PDCL3: variants seen among roughly 807,000 people sequenced by gnomAD.
PDCL3 encodes the protein phosducin-like protein 3.
A neutral mutation model predicts 26.5 loss-of-function variants in PDCL3; 22 were observed. The observed-to-expected ratio is 0.83, with a 90% CI of 0.59 to 1.19. The LOEUF (loss-of-function observed/expected upper bound fraction) is 1.19, where lower values mean the gene tolerates loss of function less well. Among genes scored for constraint, PDCL3 ranks in the 50% most tolerant of loss-of-function variants. The pLI, the probability that PDCL3 is intolerant of heterozygous loss-of-function variation, is 0.00. For synonymous variants in PDCL3, 81 were observed against 104.9 expected (o/e 0.77, Z 1.39); for missense variants, 246 against 294.1 (o/e 0.84, Z 1.20).
intron 2 of PDCL3, among the ~76,000 whole-genome samples, chr2:100,567,478 C>G (rs988690909): frequency 6.6e-6 from 1 of 152,088 alleles, no homozygotes; most frequent in Non-Finnish European, 1.5e-5. Flanking sequence ...GAAGCAGGCT[C>G]AGAGAGGGCC....
intron 5 of PDCL3, among the ~76,000 whole-genome samples, chr2:100,572,274 T>C (rs28560372): frequency 0.5 from 75,269 of 151,804 alleles, 20,090 homozygotes; most frequent in East Asian, 0.97. Context: ...TGCAATGGTA[T>C]GATCTTGCCT....
intron 1 of PDCL3, 136 bp from the exon 2 acceptor site, chr2:100,566,367 C>A: frequency 1.7e-6 from 2 of 1,168,294 alleles, no homozygotes; most frequent in Non-Finnish European, 2.4e-6. Context: ...GATCTTTTGA[C>A]ACTTTCTCAG....
chr2:100,563,250 G>A (rs1351346284), intron 1 of PDCL3, 177 bp downstream of exon 1: 2 of 678,012 alleles, frequency 2.9e-6, no homozygotes, highest in South Asian at 5.4e-5. Flanking sequence ...GGTCCCACCA[G>A]GACCCACGGC....
intron 4 of PDCL3, among the ~76,000 whole-genome samples, chr2:100,571,115 A>C (rs113255053): frequency 4.2e-5 from 1 of 24,094 alleles, no homozygotes; most frequent in Non-Finnish European, 6.2e-5. Flanking sequence ...CTGTCTTTAC[A>C]AAAAAAAAAA....
Position 100,576,436 on chromosome 2 carries a change from G to T in PDCL3, c.660G>T (p.Leu220Phe). The T allele has an allele frequency of 6.2e-7, 1 of 1,613,948 alleles. No individual in the cohort carries two copies. The highest frequency in any genetic ancestry group is 8.5e-7 in the Non-Finnish European group (1 of 1,179,860). The change falls in exon 6 of 6, where the codon TTG becomes TTT. Residue 220 changes from leucine to phenylalanine, a missense_variant. Physicochemically the swap from Leu to Phe is conservative, Grantham distance 22. Transcript: ENST00000264254. The stretch of plus-strand genomic sequence containing the variant: ...CTAAGAAGCCGATTGAAGACGTGTT[G>T]CTGTCCTCAGTGCGGCGCTCTGTCC... ...ENPKKPIEDVLLSSVRRSVLM... is the reference protein window; with the variant it reads ...ENPKKPIEDVFLSSVRRSVLM...
intron 5 of PDCL3, among the ~76,000 whole-genome samples, chr2:100,575,375 TC>T (rs931376719): frequency 6.6e-6 from 1 of 152,188 alleles, no homozygotes; most frequent in African/African-American, 2.4e-5. Context: ...GACTTCGTGA[TC>T]CGCCCACCTT....
intron 1 of PDCL3, 57 bp from the exon 2 acceptor site, chr2:100,566,446 G>A (rs963091584): frequency 8.2e-6 from 13 of 1,576,534 alleles, no homozygotes; most frequent in South Asian, 1.2e-5. Flanking sequence ...CTTGCCCAAC[G>A]TGGCACCCTA....
At chr2:100,575,050 T>G (rs1199307551) in intron 5 of PDCL3, among the ~76,000 whole-genome samples, 1 of 152,186 alleles carries the variant, frequency 6.6e-6, no homozygotes, top group Non-Finnish European at 1.5e-5. Context: ...GAGCTATGAT[T>G]GCACCCATAG....
chr2:100,575,247 A>T lies in PDCL3; in HGVS notation c.578-1107A>T, dbSNP rs535220427. 4.7e-4 allele frequency among the ~76,000 whole-genome samples: 72 copies of T among 152,138 alleles called. 1 individual carries two copies. The South Asian group carries it at 6.6e-3, about 14-fold the overall frequency. The stretch of plus-strand genomic sequence containing the variant: ...GCCTCCCACGTTCACACCATTCTCC[A>T]GCCTCAGCCTCCCGAGTAGCTGGGA... On this transcript the variant is annotated intron_variant, in intron 5 of 5. Coordinates refer to ENST00000264254, the MANE Select transcript of PDCL3 (RefSeq NM_024065.5).
intron 1 of PDCL3, among the ~76,000 whole-genome samples, chr2:100,564,320 A>C (rs546403040): frequency 1.3e-5 from 2 of 148,256 alleles, no homozygotes; most frequent in South Asian, 4.3e-4. Flanking sequence ...TTTTTGAGAC[A>C]GAGTCTTGCT....
At chr2:100,565,967 G>A (rs757146453) in intron 1 of PDCL3, among the ~76,000 whole-genome samples, 6 of 152,166 alleles carry the variant, frequency 3.9e-5, no homozygotes, top group Non-Finnish European at 8.8e-5. Context: ...GCAGTGGCAC[G>A]ATCTCGGCTC....
intron 1 of PDCL3, 62 bp downstream of exon 1, chr2:100,563,135 G>A: frequency 6.4e-7 from 1 of 1,553,640 alleles, no homozygotes; most frequent in Non-Finnish European, 8.7e-7. Context: ...CGTTAGGCCC[G>A]GGCGGGCAGT....
At chr2:100,566,710 G>A in intron 2 of PDCL3, 81 bp downstream of exon 2, 1 of 1,574,260 alleles carries the variant, frequency 6.4e-7, no homozygotes, top group Non-Finnish European at 8.6e-7. Context: ...CCAGGAGACA[G>A]GTTGGAGTGC....
intron 5 of PDCL3, among the ~76,000 whole-genome samples, chr2:100,572,275 G>C (rs1442776974): frequency 6.6e-6 from 1 of 152,068 alleles, no homozygotes; most frequent in Non-Finnish European, 1.5e-5. Context: ...GCAATGGTAT[G>C]ATCTTGCCTC....
chr2:100,566,621 A>C lies in PDCL3; in HGVS notation c.125A>C (p.Gln42Pro). The C allele has an allele frequency of 6.2e-7, 1 of 1,614,038 alleles. No homozygotes were observed. The highest frequency in any genetic ancestry group is 1.1e-5 in the South Asian group (1 of 91,072). The change falls in exon 2 of 6, where the codon CAG (glutamine) becomes CCG (proline). Residue 42 changes from glutamine (Q) to proline (P), a missense_variant. Coordinates refer to ENST00000264254, the MANE Select transcript of PDCL3 (RefSeq NM_024065.5). Reference protein sequence around the residue: ...EAEEEQRILQQSVVKTYEDMT... With the variant: ...EAEEEQRILQPSVVKTYEDMT... The stretch of plus-strand genomic sequence containing the variant: ...GAAGAGGAGCAGCGCATCCTCCAGC[A>C]GTCAGTGGGTGAGTTCACTCGCTTT...
At chr2:100,568,154 G>A (rs1675094740) in intron 2 of PDCL3, among the ~76,000 whole-genome samples, 1 of 152,172 alleles carries the variant, frequency 6.6e-6, no homozygotes, top group African/African-American at 2.4e-5. Context: ...TAGACAAATA[G>A]CCACATTAAG....
At chr2:100,573,181 CTG>C (rs1462536943) in intron 5 of PDCL3, among the ~76,000 whole-genome samples, 1 of 152,044 alleles carries the variant, frequency 6.6e-6, no homozygotes, top group African/African-American at 2.4e-5. Context: ...CCGCGCCCGG[CTG>C]TGTTTTTAAA....
chr2:100,576,413 A>G lies in PDCL3; in HGVS notation c.637A>G (p.Lys213Glu). ...TATGACAGACCTGGAGGAAAACCCTAAGAAGCCGATTGAAGACGTGTTGCT... is the reference window on the plus strand; with the variant it reads ...TATGACAGACCTGGAGGAAAACCCTGAGAAGCCGATTGAAGACGTGTTGCT... ...AIMTDLEENP[K>E]KPIEDVLLSS... Residue 213 changes from lysine (K) to glutamate (E), a missense_variant, in exon 6 of 6, where the codon AAG becomes GAG. Coordinates refer to ENST00000264254, the MANE Select transcript of PDCL3 (RefSeq NM_024065.5). The G allele has an allele frequency of 6.2e-7, 1 of 1,613,960 alleles. No homozygotes were observed. The highest frequency in any genetic ancestry group is 8.5e-7 in the Non-Finnish European group (1 of 1,179,864).
intron 5 of PDCL3, 75 bp from the exon 6 acceptor site, chr2:100,576,279 A>G: frequency 2.0e-6 from 3 of 1,497,456 alleles, no homozygotes; most frequent in Non-Finnish European, 2.7e-6. Context: ...AGAAAAAACT[A>G]GGTTGATGGA....
Sources: gnomAD v4.1 joint callset for allele counts (sites outside exome capture counted in the v4.1 genomes callset) on GRCh38, gnomAD v4.1.1 for gene constraint, MANE v1.5 for transcripts, NCBI Gene and HGNC (gene_info 2026-07-23, HGNC 2026-07-21) for gene names.